Variants in SHISA9 observed in about 807,000 individuals in gnomAD.
The protein encoded by SHISA9 is protein shisa-9.
In SHISA9, 13 loss-of-function variants were observed where a neutral mutation model predicts 38.0. That is an observed-to-expected ratio of 0.34 (90% CI 0.22 to 0.54). The LOEUF (loss-of-function observed/expected upper bound fraction) is 0.54, where lower values mean the gene tolerates loss of function less well. Ranked by LOEUF, SHISA9 falls within the 20% of genes least tolerant of loss-of-function variation. SHISA9 has a pLI of 0.91. For synonymous variants in SHISA9, 275 were observed against 242.0 expected (o/e 1.14, Z -1.27); for missense variants, 538 against 575.8 (o/e 0.93, Z 0.67).
chr16:13,197,313 T>C (rs893225458), intron 2 of SHISA9, among the ~76,000 whole-genome samples: 5 of 152,184 alleles, frequency 3.3e-5, no homozygotes, highest in African/African-American at 9.7e-5. Context: ...TTATGTTGTC[T>C]TTCCTTTAAG....
chr16:13,348,121 GA>G, the SHISA9 span, among the ~76,000 whole-genome samples: 1 of 152,170 alleles, frequency 6.6e-6, no homozygotes, highest in Non-Finnish European at 1.5e-5. Context: ...GGCAGCCACA[GA>G]AAATTAATAC....
In SHISA9 at chr16:13,236,929, C is replaced by T. The variant is rs889258942; in HGVS notation, c.*1520C>T. 2 of 152,184 alleles carry T rather than the reference C, an allele frequency of 1.3e-5. No homozygotes were observed. Among genetic ancestry groups the T allele is most frequent in the Non-Finnish European group, 2.9e-5 (2 of 68,044 alleles). The allele number at this position is 152,184 out of a possible 1,614,324, so 9.4% of individuals were successfully genotyped here. ...GTTTTTCTGGTTGGTTCTCATAATC[C>T]ATAGTCCTTGGGGTCCCAGCAAAGT... On this transcript the variant is annotated 3_prime_UTR_variant, in exon 5 of 5. Coordinates refer to ENST00000558583, the MANE Select transcript of SHISA9 (RefSeq NM_001145204.3).
chr16:13,043,830 C>T (rs1020181044), intron 2 of SHISA9, among the ~76,000 whole-genome samples: 8 of 152,328 alleles, frequency 5.3e-5, no homozygotes, highest in African/African-American at 1.9e-4. Context: ...TCCTGGATAT[C>T]CCCTGCCATC....
At chr16:13,247,010 A>G in the SHISA9 span, among the ~76,000 whole-genome samples, 7 of 149,796 alleles carry the variant, frequency 4.7e-5, no homozygotes, top group African/African-American at 1.7e-4. Context: ...ATAATAATAT[A>G]ATAAAAATAA....
chr16:13,328,224 T>G, the SHISA9 span, among the ~76,000 whole-genome samples: 1 of 152,004 alleles, frequency 6.6e-6, no homozygotes, highest in Non-Finnish European at 1.5e-5. Flanking sequence ...TGGAGTAGAT[T>G]AGAAAGGGAA....
At chr16:13,062,629 C>T (rs150788258) in intron 2 of SHISA9, among the ~76,000 whole-genome samples, 115 of 152,254 alleles carry the variant, frequency 7.6e-4, no homozygotes, top group African/African-American at 2.6e-3. Context: ...GACTAGATTA[C>T]TCAGAGGAGT....
chr16:13,116,576 G>C (rs1241590514), intron 2 of SHISA9, among the ~76,000 whole-genome samples: 1 of 152,302 alleles, frequency 6.6e-6, no homozygotes, highest in Non-Finnish European at 1.5e-5. Context: ...GTGAGCCTGT[G>C]CCTAGAAACC....
chr16:13,194,114 G>T (rs2050914165), intron 2 of SHISA9, among the ~76,000 whole-genome samples: 1 of 151,940 alleles, frequency 6.6e-6, no homozygotes, highest in African/African-American at 2.4e-5. Context: ...AGAACTGGAG[G>T]AGTCAGACAT....
At chr16:13,499,486 G>A in the SHISA9 span, among the ~76,000 whole-genome samples, 1 of 152,142 alleles carries the variant, frequency 6.6e-6, no homozygotes. Flanking sequence ...TGAGTACATA[G>A]AGAGAAAAAG....
At chr16:12,977,486 A>C (rs2072179162) in intron 2 of SHISA9, among the ~76,000 whole-genome samples, 1 of 152,230 alleles carries the variant, frequency 6.6e-6, no homozygotes, top group Non-Finnish European at 1.5e-5. Context: ...AAAGGAATAG[A>C]AATCATTCTA....
At chr16:13,179,193 C>T (rs1211097878) in intron 2 of SHISA9, among the ~76,000 whole-genome samples, 2 of 152,170 alleles carry the variant, frequency 1.3e-5, no homozygotes, top group Non-Finnish European at 2.9e-5. Flanking sequence ...GTGGCAGGTG[C>T]CTGTAATCCC....
chr16:13,085,029 G>A (rs1169883115), intron 2 of SHISA9, among the ~76,000 whole-genome samples: 1 of 152,152 alleles, frequency 6.6e-6, no homozygotes, highest in East Asian at 1.9e-4. Context: ...GTGAAGGTAA[G>A]CAGGAAGGTG....
chr16:13,369,494 T>A, the SHISA9 span, among the ~76,000 whole-genome samples: 103 of 152,070 alleles, frequency 6.8e-4, 1 homozygote, highest in Non-Finnish European at 1.2e-3. Flanking sequence ...GTTAGGTTTA[T>A]AAGTGTGGGA....
chr16:13,367,224 T>C, the SHISA9 span, among the ~76,000 whole-genome samples: 80 of 151,218 alleles, frequency 5.3e-4, 1 homozygote, highest in Middle Eastern at 3.4e-3. Context: ...ATTATACGTT[T>C]TGCCACTACC....
chr16:13,530,036 C>T, the SHISA9 span, among the ~76,000 whole-genome samples: 1 of 152,230 alleles, frequency 6.6e-6, no homozygotes, highest in Non-Finnish European at 1.5e-5. Flanking sequence ...CAGTGGCTCA[C>T]ACCTGTAATC....
chr16:13,070,777 A>G (rs574542312), intron 2 of SHISA9, among the ~76,000 whole-genome samples: 2 of 152,280 alleles, frequency 1.3e-5, no homozygotes, highest in African/African-American at 4.8e-5. Context: ...GGAGACTGAG[A>G]GATAATAAAT....
intron 2 of SHISA9, among the ~76,000 whole-genome samples, chr16:13,179,853 G>A (rs2050762712): frequency 6.6e-6 from 1 of 152,238 alleles, no homozygotes; most frequent in South Asian, 2.1e-4. Flanking sequence ...CTTCCTGGCA[G>A]GATGTGGGTG....
intron 2 of SHISA9, among the ~76,000 whole-genome samples, chr16:13,159,676 C>G (rs570206725): frequency 6.6e-6 from 1 of 152,314 alleles, no homozygotes; most frequent in South Asian, 2.1e-4. Flanking sequence ...CTACAAGTTC[C>G]ATAGGTTCCA....
intron 1 of SHISA9, among the ~76,000 whole-genome samples, chr16:12,907,465 G>T (rs1307018009): frequency 1.3e-5 from 2 of 150,268 alleles, no homozygotes; most frequent in Non-Finnish European, 2.9e-5. Flanking sequence ...ATGACACTTA[G>T]TCCCTAATAT....
Sources: allele counts gnomAD v4.1 joint callset (sites outside exome capture counted in the v4.1 genomes callset), GRCh38; gene constraint gnomAD v4.1.1; transcripts MANE v1.5; gene names NCBI Gene and HGNC (gene_info 2026-07-23, HGNC 2026-07-21).